ATP8A1: variants seen among roughly 807,000 people sequenced by gnomAD.
ATP8A1 encodes phospholipid-transporting ATPase IA.
A neutral mutation model predicts 177.7 loss-of-function variants in ATP8A1; 90 were observed. The ratio of observed to expected loss-of-function variants is 0.51; its 90% CI spans 0.43 to 0.60. The LOEUF (loss-of-function observed/expected upper bound fraction) is 0.60. Ranked by LOEUF, ATP8A1 falls within the 20% of genes least tolerant of loss-of-function variation. The probability of loss-of-function intolerance (pLI) is 0.00; values close to 1 mark genes in which losing one functional copy is unlikely to be tolerated. For synonymous variants in ATP8A1, 493 were observed against 485.9 expected (o/e 1.01, Z -0.19); for missense variants, 1,072 against 1,392.8 (o/e 0.77, Z 3.67).
chr4:42,414,573 A>T (rs1186011770), intron 36 of ATP8A1, 54 bp downstream of exon 36: 1 of 1,418,062 alleles, frequency 7.1e-7, no homozygotes, highest in African/African-American at 1.4e-5. Context: ...TATAAATGCT[A>T]TGATACAGCA....
chr4:42,657,002 G>T lies in ATP8A1; in HGVS notation c.-129C>A, dbSNP rs916512271. 22 of 1,006,904 alleles carry T rather than the reference G, an allele frequency of 2.2e-5. No homozygotes were observed. The Admixed American group carries it at 8.6e-4, about 39-fold the overall frequency. The allele number at this position is 1,006,904 out of a possible 1,614,324, so 62.4% of individuals were successfully genotyped here. A position where few individuals can be genotyped will look rare whatever the true frequency, so the allele number is the denominator to read the frequency against. On this transcript the variant is annotated 5_prime_UTR_variant, in exon 1 of 37. Transcript: ENST00000381668. ...CCTGGGCCGCGCCGCCGCCCACCTA[G>T]GGCAGAGCTGCCGCCGGGCGCGGCC...
chr4:42,626,880 G>T, intron 2 of ATP8A1, 115 bp downstream of exon 2: 1 of 742,186 alleles, frequency 1.3e-6, no homozygotes, highest in South Asian at 1.5e-5. Context: ...ACTGCCAACA[G>T]GGAGCTCTCA....
Position 42,422,794 on chromosome 4 carries a change from CT to C in ATP8A1, c.3305+12del. 2 of 1,593,952 alleles carry C rather than the reference CT, an allele frequency of 1.3e-6. No homozygotes were observed. The highest frequency in any genetic ancestry group is 1.7e-6 in the Non-Finnish European group (2 of 1,164,002). On this transcript the variant is annotated intron_variant, in intron 35 of 36. Transcript: ENST00000381668. ...GTTCATTTGGAAAAGAATATATTCA[CT>C]GTGTATTTTACCTTTTTCCAAGTAC...
rs187129657 is a variant in ATP8A1 at position 42,603,243 on chromosome 4, T to G, written c.410-2725A>C. Reference sequence around the variant, plus strand: ...TATCTTTCTGTACTTATTTACATCTTAATTTTTCTTGGATATGTTTTGTAG... The same window carrying G: ...TATCTTTCTGTACTTATTTACATCTGAATTTTTCTTGGATATGTTTTGTAG... On this transcript the variant is annotated intron_variant, in intron 5 of 36. Transcript: ENST00000381668. 4.6e-5 allele frequency among the ~76,000 whole-genome samples: 7 copies of G among 152,328 alleles called. No homozygotes were observed. In the East Asian group the frequency reaches 1.3e-3, roughly 29 times the overall value.
At chr4:42,549,163 A>G (rs187727597) in intron 18 of ATP8A1, 101 bp from the exon 19 acceptor site, 12 of 921,354 alleles carry the variant, frequency 1.3e-5, no homozygotes, top group Non-Finnish European at 1.9e-5. Flanking sequence ...AAATGCCAAC[A>G]CAAACAAATT....
At chr4:42,460,236 A>G (rs1718960444) in intron 27 of ATP8A1, among the ~76,000 whole-genome samples, 1 of 152,226 alleles carries the variant, frequency 6.6e-6, no homozygotes, top group Admixed American at 6.5e-5. Context: ...CAAGGAGATA[A>G]GCATTCTGAC....
At chr4:42,482,259 G>A (rs1057103164) in intron 25 of ATP8A1, among the ~76,000 whole-genome samples, 1 of 151,388 alleles carries the variant, frequency 6.6e-6, no homozygotes, top group East Asian at 1.9e-4. Flanking sequence ...CTGAGATCGC[G>A]CCACTGCACT....
chr4:42,610,897 G>T (rs1303350426), intron 5 of ATP8A1, among the ~76,000 whole-genome samples: 3 of 152,128 alleles, frequency 2.0e-5, no homozygotes, highest in Non-Finnish European at 4.4e-5. Flanking sequence ...GAGCAGATGT[G>T]GGGGTACCTC....
chr4:42,478,326 G>C (rs1721296881), intron 25 of ATP8A1, among the ~76,000 whole-genome samples: 1 of 151,900 alleles, frequency 6.6e-6, no homozygotes, highest in African/African-American at 2.4e-5. Context: ...AGCCAAGACT[G>C]CACCACTGCA....
At chr4:42,498,129 T>C (rs6812276) in intron 24 of ATP8A1, among the ~76,000 whole-genome samples, 12,010 of 152,254 alleles carry the variant, frequency 0.079, 634 homozygotes, top group African/African-American at 0.15. Flanking sequence ...ATACAAAATA[T>C]ATTGTATGAG....
intron 35 of ATP8A1, among the ~76,000 whole-genome samples, chr4:42,420,513 G>A (rs1224662497): frequency 5.9e-5 from 9 of 152,152 alleles, no homozygotes; most frequent in Admixed American, 5.9e-4. Context: ...TTATTTAACA[G>A]AAGGAGCTAC....
At position 42,468,121 on chromosome 4, in the gene ATP8A1, C is replaced by T. The variant is rs560106340; in HGVS notation, c.2325-3045G>A. ...CGGTGATCAGGGAACACTTCTACAC[C>T]GCTGGTGGGAATGTAAACTAGTATA... On this transcript the variant is annotated intron_variant, in intron 25 of 36. Coordinates refer to ENST00000381668, the MANE Select transcript of ATP8A1 (RefSeq NM_006095.2). 9.2e-5 allele frequency among the ~76,000 whole-genome samples: 14 copies of T among 151,926 alleles called. No individual in the cohort carries two copies. The South Asian group carries it at 2.5e-3, about 27-fold the overall frequency.
At chr4:42,596,104 A>G (rs574203238) in intron 6 of ATP8A1, among the ~76,000 whole-genome samples, 1 of 152,324 alleles carries the variant, frequency 6.6e-6, no homozygotes, top group South Asian at 2.1e-4. Context: ...TTGGATTCTG[A>G]GCTCCTAATA....
intron 15 of ATP8A1, among the ~76,000 whole-genome samples, chr4:42,563,749 A>G (rs1560464464): frequency 6.6e-6 from 1 of 152,196 alleles, no homozygotes; most frequent in Non-Finnish European, 1.5e-5. Context: ...GGAAGCCCCA[A>G]GTCTTGGCAG....
chr4:42,509,356 G>A (rs1222385464), intron 22 of ATP8A1, among the ~76,000 whole-genome samples: 1 of 152,238 alleles, frequency 6.6e-6, no homozygotes, highest in African/African-American at 2.4e-5. Context: ...AGGCTCCATA[G>A]TAGAGCTGTT....
intron 20 of ATP8A1, among the ~76,000 whole-genome samples, chr4:42,537,459 T>TA (rs1476033136): frequency 3.9e-5 from 6 of 152,068 alleles, no homozygotes; most frequent in African/African-American, 9.7e-5. Context: ...TCCAAACTGA[T>TA]AAACAGGAAG....
chr4:42,628,944 G>A (rs1487521995), intron 1 of ATP8A1, among the ~76,000 whole-genome samples: 4 of 152,146 alleles, frequency 2.6e-5, no homozygotes, highest in South Asian at 2.1e-4. Context: ...TGAGGGCCCC[G>A]CCCTTGGATG....
Position 42,446,596 on chromosome 4 carries a change from T to C in ATP8A1, c.2945A>G (p.Asn982Ser), listed in dbSNP as rs1487529479. 1.2e-6 allele frequency: 2 copies of C among 1,613,828 alleles called. No homozygotes were observed. The highest frequency in any genetic ancestry group is 1.1e-5 in the South Asian group (1 of 91,052). Residue 982 changes from asparagine (N) to serine (S), a missense_variant, in exon 31 of 37, where the codon AAC becomes AGC. Coordinates refer to ENST00000381668, the MANE Select transcript of ATP8A1 (RefSeq NM_006095.2). ...GKTSDYLLLG[N>S]FVYTFVVITV... The stretch of plus-strand genomic sequence containing the variant: ...TCCCGCACTCACAGTGTACACAAAG[T>C]TTCCCAGTAGCAGATAATCCGAGGT...
chr4:42,434,544 G>C (rs1715695233), intron 33 of ATP8A1, among the ~76,000 whole-genome samples: 1 of 152,158 alleles, frequency 6.6e-6, no homozygotes, highest in Admixed American at 6.5e-5. Context: ...GAGACTTTTA[G>C]TTGCCCTTCA....
Sources: gnomAD v4.1 joint callset for allele counts (sites outside exome capture counted in the v4.1 genomes callset) on GRCh38, gnomAD v4.1.1 for gene constraint, MANE v1.5 for transcripts, NCBI Gene and HGNC (gene_info 2026-07-23, HGNC 2026-07-21) for gene names.